Variants in CADM2 observed in about 807,000 individuals in gnomAD.
CADM2 encodes cell adhesion molecule 2, also known as immunoglobulin superfamily member 4D.
Under a neutral mutation model 49.8 loss-of-function variants are expected in CADM2, and 12 were observed. The ratio of observed to expected loss-of-function variants is 0.24; its 90% CI spans 0.15 to 0.39. The LOEUF (loss-of-function observed/expected upper bound fraction) is 0.39, where lower values mean the gene tolerates loss of function less well. Among genes scored for constraint, CADM2 ranks in the 10% least tolerant of loss-of-function variants. CADM2 has a pLI of 1.00. For missense variants in CADM2, 378 were observed against 492.3 expected, an observed-to-expected ratio of 0.77 and a Z score of 2.20; for synonymous variants, 214 against 175.4, an observed-to-expected ratio of 1.22 and a Z score of -1.74.
chr3:85,769,218 GTATA>G (rs1462986065), intron 2 of CADM2, among the ~76,000 whole-genome samples: 1 of 111,318 alleles, frequency 9.0e-6, no homozygotes, highest in Non-Finnish European at 1.6e-5. Flanking sequence ...TACATATATA[GTATA>G]TATACACACA....
intron 1 of CADM2, among the ~76,000 whole-genome samples, chr3:85,240,186 GT>G (rs1248835063): frequency 6.6e-6 from 1 of 151,186 alleles, no homozygotes; most frequent in African/African-American, 2.4e-5. Context: ...TGCTTTATTT[GT>G]TTATATTGTT....
intron 1 of CADM2, among the ~76,000 whole-genome samples, chr3:85,430,760 G>T (rs551118469): frequency 2.6e-5 from 4 of 151,982 alleles, no homozygotes; most frequent in Admixed American, 6.6e-5. Flanking sequence ...TGGAAGTTAG[G>T]ATATATACTT....
intron 9 of CADM2, among the ~76,000 whole-genome samples, chr3:86,066,248 G>T (rs1029835173): frequency 6.9e-5 from 10 of 144,408 alleles, no homozygotes; most frequent in Non-Finnish European, 1.5e-5. Context: ...CAGGAGAATT[G>T]CTTGAACCCG....
intron 3 of CADM2, among the ~76,000 whole-genome samples, chr3:85,809,973 T>C (rs2072747446): frequency 6.6e-6 from 1 of 151,838 alleles, no homozygotes; most frequent in Non-Finnish European, 1.5e-5. Flanking sequence ...CGTGTTCCCC[T>C]TAGGAATTAA....
chr3:85,087,908 A>G (rs964462829), intron 1 of CADM2, among the ~76,000 whole-genome samples: 1 of 152,178 alleles, frequency 6.6e-6, no homozygotes, highest in African/African-American at 2.4e-5. Flanking sequence ...TTTCTGCTAC[A>G]GCACTGATTC....
intron 8 of CADM2, among the ~76,000 whole-genome samples, chr3:86,044,312 T>C (rs1368240445): frequency 6.6e-6 from 1 of 152,176 alleles, no homozygotes; most frequent in Non-Finnish European, 1.5e-5. Flanking sequence ...AATCTACTCA[T>C]CTGACAAAGG....
chr3:85,966,765 G>A (rs1441089443), intron 8 of CADM2, among the ~76,000 whole-genome samples: 1 of 151,596 alleles, frequency 6.6e-6, no homozygotes, highest in Non-Finnish European at 1.5e-5. Context: ...TCACTTGACT[G>A]TTACGGTTTG....
At chr3:85,183,179 G>A (rs140383849) in intron 1 of CADM2, among the ~76,000 whole-genome samples, 29 of 152,198 alleles carry the variant, frequency 1.9e-4, no homozygotes, top group African/African-American at 6.3e-4. Flanking sequence ...TAAGGCATTA[G>A]AGGCTAAAAT....
At chr3:85,812,256 C>T (rs973826797) in intron 3 of CADM2, among the ~76,000 whole-genome samples, 10 of 151,602 alleles carry the variant, frequency 6.6e-5, no homozygotes, top group Admixed American at 6.6e-5. Flanking sequence ...AGTAAGTAAT[C>T]GATAAAATTA....
chr3:85,399,430 T>A (rs1420860737), intron 1 of CADM2, among the ~76,000 whole-genome samples: 1 of 152,194 alleles, frequency 6.6e-6, no homozygotes, highest in African/African-American at 2.4e-5. Context: ...AGCTTTGTTC[T>A]TTTGGCTTAG....
At chr3:86,004,557 A>T (rs1218335771) in intron 8 of CADM2, among the ~76,000 whole-genome samples, 1 of 152,204 alleles carries the variant, frequency 6.6e-6, no homozygotes, top group African/African-American at 2.4e-5. Context: ...CCTCATCAAG[A>T]ATTAAATATT....
chr3:85,853,147 G>A (rs1267676622), intron 3 of CADM2, among the ~76,000 whole-genome samples: 2 of 151,604 alleles, frequency 1.3e-5, no homozygotes, highest in Non-Finnish European at 2.9e-5. Context: ...AACATTAGCA[G>A]TAATTAAAAC....
At chr3:85,912,265 C>T in intron 5 of CADM2, 108 bp from the exon 6 acceptor site, 1 of 745,466 alleles carries the variant, frequency 1.3e-6, no homozygotes, top group Non-Finnish European at 2.1e-6. Flanking sequence ...ATATTTGCTT[C>T]TTAAAAATTG....
intron 3 of CADM2, among the ~76,000 whole-genome samples, chr3:85,821,157 T>C (rs752445624): frequency 1.3e-5 from 2 of 152,162 alleles, no homozygotes; most frequent in Non-Finnish European, 2.9e-5. Context: ...CCTTTGGAGA[T>C]GAAGTTTTCT....
intron 1 of CADM2, among the ~76,000 whole-genome samples, chr3:85,370,382 A>G (rs1474334746): frequency 1.3e-5 from 2 of 151,794 alleles, no homozygotes; most frequent in African/African-American, 4.8e-5. Flanking sequence ...AGATCGCGCC[A>G]CTGCACTGCA....
At chr3:85,344,220 A>C (rs2030289276) in intron 1 of CADM2, among the ~76,000 whole-genome samples, 1 of 129,128 alleles carries the variant, frequency 7.7e-6, no homozygotes, top group Admixed American at 7.3e-5. Flanking sequence ...CTAAAAATAC[A>C]AAAAAAAAAA....
At chr3:85,408,609 T>G (rs563473756) in intron 1 of CADM2, among the ~76,000 whole-genome samples, 30 of 152,316 alleles carry the variant, frequency 2.0e-4, no homozygotes, top group Admixed American at 1.1e-3. Flanking sequence ...TGTAAACACA[T>G]AACTGCTATC....
At chr3:85,471,330 TTAA>T (rs1289789286) in intron 1 of CADM2, among the ~76,000 whole-genome samples, 6 of 152,156 alleles carry the variant, frequency 3.9e-5, no homozygotes, top group African/African-American at 1.4e-4. Flanking sequence ...GATGAAAGTG[TTAA>T]GTCTCACTCA....
intron 3 of CADM2, among the ~76,000 whole-genome samples, chr3:85,847,276 A>T (rs1208364759): frequency 6.6e-6 from 1 of 152,180 alleles, no homozygotes; most frequent in East Asian, 1.9e-4. Context: ...AAACAAAAAC[A>T]ATGAGTCATC....
Sources: allele counts gnomAD v4.1 joint callset (sites outside exome capture counted in the v4.1 genomes callset), GRCh38; gene constraint gnomAD v4.1.1; transcripts MANE v1.5; gene names NCBI Gene and HGNC (gene_info 2026-07-23, HGNC 2026-07-21).